AK7: variants seen among roughly 807,000 people sequenced by gnomAD.
AK7 encodes adenylate kinase 7.
A neutral mutation model predicts 96.6 loss-of-function variants in AK7; 78 were observed. The observed-to-expected ratio is 0.81, with a 90% CI of 0.67 to 0.97. The LOEUF (loss-of-function observed/expected upper bound fraction) is 0.97. AK7 is among the 50% of genes least tolerant of loss of function. The pLI is 0.00. For missense variants in AK7, 855 were observed against 887.9 expected (o/e 0.96, Z 0.47); for synonymous variants, 302 against 317.2 (o/e 0.95, Z 0.51).
Position 96,488,431 on chromosome 14 carries a change from A to C in AK7, c.*88A>C. The stretch of plus-strand genomic sequence containing the variant: ...AAATTGCTTTGAAAAATGCTTTTCC[A>C]GTTCTTAGAAAATTCTTTTTTTGTA... On this transcript the variant is annotated 3_prime_UTR_variant, in exon 18 of 18. Transcript: ENST00000267584. The C allele has an allele frequency of 1.6e-6, 2 of 1,230,296 alleles. No homozygotes were observed. The highest frequency in any genetic ancestry group is 2.3e-6 in the Non-Finnish European group (2 of 875,936). The allele number at this position is 1,230,296 out of a possible 1,614,324, so 76.2% of individuals were successfully genotyped here.
intron 12 of AK7, among the ~76,000 whole-genome samples, chr14:96,463,247 T>C (rs1187231720): frequency 6.6e-6 from 1 of 152,182 alleles, no homozygotes; most frequent in Non-Finnish European, 1.5e-5. Flanking sequence ...CGTTCTTTTC[T>C]GCTGTTGAGA....
intron 2 of AK7, among the ~76,000 whole-genome samples, chr14:96,404,274 G>T (rs1305708013): frequency 6.6e-6 from 1 of 151,598 alleles, no homozygotes; most frequent in Non-Finnish European, 1.5e-5. Flanking sequence ...AATATTCCCG[G>T]CTGTCAACTG....
At chr14:96,456,658 G>C in intron 11 of AK7, 183 bp downstream of exon 11, 1 of 576,136 alleles carries the variant, frequency 1.7e-6, no homozygotes, top group South Asian at 2.1e-5. Flanking sequence ...TTCCCCCTCA[G>C]GCCTGAGAAG....
chr14:96,478,706 A>G, intron 15 of AK7, 44 bp downstream of exon 15: 1 of 1,592,282 alleles, frequency 6.3e-7, no homozygotes. Context: ...CAGGACCCCC[A>G]GCAAAGCTTG....
At position 96,488,394 on chromosome 14, in the gene AK7, T is replaced by C. The variant is rs753855604; in HGVS notation, c.*51T>C. On this transcript the variant is annotated 3_prime_UTR_variant, in exon 18 of 18. Transcript: ENST00000267584. ...CCTTTACAGAACCACAGATCACTTA[T>C]TATACTTTGAAAAATTGCTTTGAAA... The C allele has an allele frequency of 3.3e-6, 5 of 1,512,650 alleles. No individual in the cohort carries two copies. In the Admixed American group the frequency reaches 8.4e-5, roughly 25 times the overall value. 93.7% of individuals were successfully genotyped at this position (1,512,650 alleles called of 1,614,324 possible). A position where few individuals can be genotyped will look rare whatever the true frequency, so the allele number is the denominator to read the frequency against.
chr14:96,421,894 T>G (rs1403504386), intron 5 of AK7, among the ~76,000 whole-genome samples: 2 of 152,218 alleles, frequency 1.3e-5, no homozygotes, highest in African/African-American at 4.8e-5. Context: ...CATGAGCCAC[T>G]GTGCCCGGCC....
chr14:96,480,735 A>C (rs529269743), intron 15 of AK7, among the ~76,000 whole-genome samples: 1 of 152,336 alleles, frequency 6.6e-6, no homozygotes, highest in Non-Finnish European at 1.5e-5. Flanking sequence ...GAAAAAAAAT[A>C]AGTAACAGGG....
rs780290188 is a variant in AK7 at position 96,458,127 on chromosome 14, A to G, written c.1272A>G (p.Glu424=). 1.9e-6 allele frequency: 3 copies of G among 1,613,858 alleles called. No homozygotes were observed. The highest frequency in any genetic ancestry group is 1.3e-5 in the African/African-American group (1 of 74,904). Residue 424 remains glutamate, a synonymous_variant, in exon 12 of 18, where the codon GAA becomes GAG. Transcript: ENST00000267584. ...APNDVGEGEE[E]VEEEEEEENV... ...ACGATGTAGGGGAAGGAGAAGAAGA[A>G]GTCGAAGAGGAAGAGGAGGAGGAGA...
chr14:96,451,739 C>A (rs996515637), intron 10 of AK7, among the ~76,000 whole-genome samples, 169 bp downstream of exon 10: 1 of 152,060 alleles, frequency 6.6e-6, no homozygotes, highest in Non-Finnish European at 1.5e-5. Context: ...ACATGTATAT[C>A]AAATTAATAC....
chr14:96,448,020 T>C (rs1003716366), intron 8 of AK7, among the ~76,000 whole-genome samples: 1 of 150,592 alleles, frequency 6.6e-6, no homozygotes, highest in African/African-American at 2.4e-5. Flanking sequence ...TCCCAGATAC[T>C]CAGGAGGCTG....
At chr14:96,455,417 C>T (rs942559971) in intron 10 of AK7, among the ~76,000 whole-genome samples, 9 of 152,046 alleles carry the variant, frequency 5.9e-5, no homozygotes, top group East Asian at 1.9e-4. Flanking sequence ...CCCAGGAGTT[C>T]GAGGCTGCAG....
At chr14:96,484,327 C>T (rs185482606) in intron 16 of AK7, among the ~76,000 whole-genome samples, 112 of 152,246 alleles carry the variant, frequency 7.4e-4, no homozygotes, top group Admixed American at 1.8e-3. Context: ...GTTTCTCATC[C>T]GAATTACGCA....
At chr14:96,464,470 G>A (rs578066846) in intron 12 of AK7, among the ~76,000 whole-genome samples, 17 of 138,868 alleles carry the variant, frequency 1.2e-4, no homozygotes, top group Non-Finnish European at 2.4e-4. Context: ...GATGGCTTGA[G>A]CCCTTGAGTC....
intron 2 of AK7, 137 bp downstream of exon 2, chr14:96,398,400 T>C (rs1343798692): frequency 1.2e-6 from 1 of 866,276 alleles, no homozygotes; most frequent in African/African-American, 1.7e-5. Context: ...GGAATGGCTT[T>C]CTCCTGTAAT....
At chr14:96,443,611 G>C (rs1057492177) in intron 7 of AK7, among the ~76,000 whole-genome samples, 2 of 152,046 alleles carry the variant, frequency 1.3e-5, no homozygotes, top group Middle Eastern at 3.2e-3. Context: ...CCAAGACCCT[G>C]AACCTAATTT....
At chr14:96,458,968 A>T (rs1465213465) in intron 12 of AK7, among the ~76,000 whole-genome samples, 2 of 151,908 alleles carry the variant, frequency 1.3e-5, no homozygotes, top group South Asian at 4.2e-4. Context: ...AACAAAAAAA[A>T]AATCCTTCAT....
At chr14:96,414,764 T>C (rs2140021746) in intron 4 of AK7, among the ~76,000 whole-genome samples, 1 of 145,674 alleles carries the variant, frequency 6.9e-6, no homozygotes, top group Middle Eastern at 3.5e-3. Flanking sequence ...CTTCTTTTTT[T>C]TTTTTTTTTT....
At chr14:96,469,764 T>C (rs1266788988) in intron 12 of AK7, among the ~76,000 whole-genome samples, 1 of 152,180 alleles carries the variant, frequency 6.6e-6, no homozygotes, top group Non-Finnish European at 1.5e-5. Flanking sequence ...TACTGCCTAA[T>C]GGATGGTGTG....
intron 12 of AK7, among the ~76,000 whole-genome samples, chr14:96,469,245 G>A (rs1290026616): frequency 6.6e-6 from 1 of 152,176 alleles, no homozygotes; most frequent in Non-Finnish European, 1.5e-5. Context: ...CTTAGGCCGG[G>A]GGCGGCGGCT....
Sources: allele counts gnomAD v4.1 joint callset (sites outside exome capture counted in the v4.1 genomes callset), GRCh38; gene constraint gnomAD v4.1.1; transcripts MANE v1.5; gene names NCBI Gene and HGNC (gene_info 2026-07-23, HGNC 2026-07-21).